Variants in ZCWPW1 observed in about 807,000 individuals in gnomAD.
ZCWPW1 encodes zinc finger CW-type and PWWP domain containing 1.
Under a neutral mutation model 81.3 loss-of-function variants are expected in ZCWPW1, and 56 were observed. The ratio of observed to expected loss-of-function variants is 0.69; its 90% CI spans 0.56 to 0.86. The LOEUF is 0.86. Among genes scored for constraint, ZCWPW1 ranks in the 40% least tolerant of loss-of-function variants. The pLI is 0.00. For missense variants in ZCWPW1, 650 were observed against 769.8 expected (o/e 0.84, Z 1.84); for synonymous variants, 250 against 273.7 (o/e 0.91, Z 0.86).
In ZCWPW1 at chr7:100,402,503, C is replaced by T; in HGVS notation, c.1474+13G>A. 6.2e-7 allele frequency: 1 copy of T among 1,614,030 alleles called. No homozygotes were observed. Among genetic ancestry groups the T allele is most frequent in the African/African-American group, 1.3e-5 (1 of 75,030 alleles). ...ACTGTGGGTTGTGCTCCATTTCCAG[C>T]TGGCCTGCTTACCTCTTGGCTTGGT... On this transcript the variant is annotated intron_variant, in intron 16 of 17. Transcript: ENST00000684423.
At chr7:100,408,420 GCT>G in intron 10 of ZCWPW1, 117 bp downstream of exon 10, 1 of 1,368,180 alleles carries the variant, frequency 7.3e-7, no homozygotes, top group Non-Finnish European at 1.0e-6. Context: ...CTCACCCCAT[GCT>G]CTTTCTAAGG....
chr7:100,423,457 T>A (rs958794708), intron 2 of ZCWPW1, among the ~76,000 whole-genome samples: 1 of 152,176 alleles, frequency 6.6e-6, no homozygotes, highest in African/African-American at 2.4e-5. Context: ...AGGGTTCCTC[T>A]CTCTAGACCA....
At chr7:100,404,852 C>T (rs908692932) in intron 13 of ZCWPW1, among the ~76,000 whole-genome samples, 161 bp downstream of exon 13, 1 of 152,160 alleles carries the variant, frequency 6.6e-6, no homozygotes, top group Non-Finnish European at 1.5e-5. Flanking sequence ...TAAAAACTGA[C>T]TCCACAGAAA....
intron 17 of ZCWPW1, 28 bp from the exon 18 acceptor site, chr7:100,401,364 G>A: frequency 6.6e-7 from 1 of 1,506,486 alleles, no homozygotes. Flanking sequence ...AAAGCCAAGA[G>A]TCCTATTAGG....
intron 1 of ZCWPW1, among the ~76,000 whole-genome samples, chr7:100,426,545 G>A (rs1479641999): frequency 2.7e-5 from 4 of 150,754 alleles, no homozygotes; most frequent in African/African-American, 4.9e-5. Context: ...GCCAGAGTCT[G>A]ATCTTCCTTT....
chr7:100,406,726 A>G lies in ZCWPW1; in HGVS notation c.1141T>C (p.Phe381Leu), dbSNP rs1263217502. Reference sequence around the variant, plus strand: ...GATAGCTCCAGGGACAGCTCCTGGAAGTTCTTTAGCATGTTGACTGGGATC... The same window carrying G: ...GATAGCTCCAGGGACAGCTCCTGGAGGTTCTTTAGCATGTTGACTGGGATC... ...AWIPVNMLKN[F>L]QELSLELSVM... is the part of the protein sequence containing the mutation. The change falls in exon 12 of 18, where the codon TTC (phenylalanine) becomes CTC (leucine). Residue 381 changes from phenylalanine to leucine, a missense_variant. Coordinates refer to ENST00000684423, the MANE Select transcript of ZCWPW1 (RefSeq NM_001386010.1). 6.2e-7 allele frequency: 1 copy of G among 1,614,204 alleles called. No homozygotes were observed. The highest frequency in any genetic ancestry group is 8.5e-7 in the Non-Finnish European group (1 of 1,180,030).
chr7:100,424,328 A>G (rs1348159278), intron 2 of ZCWPW1, among the ~76,000 whole-genome samples: 2 of 151,982 alleles, frequency 1.3e-5, no homozygotes, highest in African/African-American at 4.8e-5. Flanking sequence ...TCTGGAAGAG[A>G]AAAAAAATGG....
At chr7:100,419,582 T>G (rs1409974306) in intron 4 of ZCWPW1, 48 bp downstream of exon 4, 1 of 1,560,262 alleles carries the variant, frequency 6.4e-7, no homozygotes, top group Non-Finnish European at 8.6e-7. Context: ...GAGCCAGGGG[T>G]AAGGTATGAG....
At chr7:100,428,484 AC>A (rs1268575147) in intron 1 of ZCWPW1, 83 bp downstream of exon 1, 3 of 150,020 alleles carry the variant, frequency 2.0e-5, no homozygotes, top group East Asian at 1.9e-4. Flanking sequence ...ACATCTACTA[AC>A]TTTTCTGTTT....
Position 100,419,848 on chromosome 7 carries a change from G to A in ZCWPW1, c.64C>T (p.Pro22Ser). 1.3e-6 allele frequency: 2 copies of A among 1,588,418 alleles called. No individual in the cohort carries two copies. The highest frequency in any genetic ancestry group is 1.7e-6 in the Non-Finnish European group (2 of 1,171,496). The change falls in exon 4 of 18, where the codon CCT (proline) becomes TCT (serine). Residue 22 changes from proline (P) to serine (S), a missense_variant. Pro to Ser is a moderately conservative substitution (Grantham distance 74). Coordinates refer to ENST00000684423, the MANE Select transcript of ZCWPW1 (RefSeq NM_001386010.1). ...GKGPKRIFAP[P>S]AQKSYSLLPC... ...AACAGGCTGTAAGATTTTTGTGCAG[G>A]TGGGGCAAAGATTCTCTTTGGTCCC...
At chr7:100,424,899 C>T (rs1003718056) in intron 2 of ZCWPW1, 131 bp downstream of exon 2, 2 of 152,168 alleles carry the variant, frequency 1.3e-5, no homozygotes, top group African/African-American at 4.8e-5. Context: ...CCCCAACCAA[C>T]TAGATAGAAT....
At chr7:100,403,642 G>T in intron 15 of ZCWPW1, 52 bp downstream of exon 15, 1 of 1,513,078 alleles carries the variant, frequency 6.6e-7, no homozygotes. Context: ...TGGGCAACCT[G>T]GTGAAACTCC....
At chr7:100,403,319 G>A (rs1453104201) in intron 15 of ZCWPW1, among the ~76,000 whole-genome samples, 1 of 151,652 alleles carries the variant, frequency 6.6e-6, no homozygotes, top group Admixed American at 6.6e-5. Flanking sequence ...AGGTTCAAGC[G>A]ATTCTCCTGC....
intron 15 of ZCWPW1, 73 bp from the exon 16 acceptor site, chr7:100,402,649 T>A: frequency 6.8e-7 from 1 of 1,473,052 alleles, no homozygotes; most frequent in South Asian, 1.1e-5. Flanking sequence ...AGAAGGATGC[T>A]ACAGAATGAC....
rs1795161821 is a variant in ZCWPW1, at chr7:100,416,086, C to T, written c.643G>A (p.Val215Met). The change falls in exon 8 of 18, where the codon GTG (valine) becomes ATG (methionine). Residue 215 changes from valine (V) to methionine (M), a missense_variant. By Grantham distance (21) the Val-to-Met change is conservative. Transcript: ENST00000684423. ...KRKKEAQDEK[V>M]EKTQGGHEHR... Reference sequence around the variant, plus strand: ...TCATGTCCACCTTGAGTTTTCTCCACCTTCTCATCTTCTGGGAAGAAAAAA... The same window carrying T: ...TCATGTCCACCTTGAGTTTTCTCCATCTTCTCATCTTCTGGGAAGAAAAAA... The T allele has an allele frequency of 2.5e-6, 4 of 1,613,774 alleles. No homozygotes were observed. The highest frequency in any genetic ancestry group is 1.3e-5 in the African/African-American group (1 of 74,920).
chr7:100,419,969 G>A (rs968631002), intron 3 of ZCWPW1, 86 bp from the exon 4 acceptor site: 36 of 1,082,456 alleles, frequency 3.3e-5, no homozygotes, highest in Non-Finnish European at 4.5e-5. Context: ...AGCCATAACA[G>A]AATGATATGG....
rs1791800370 is a variant in ZCWPW1, at chr7:100,401,195, G to C, written c.1769C>G (p.Pro590Arg). 1.2e-5 allele frequency: 19 copies of C among 1,614,104 alleles called. No individual in the cohort carries two copies. Among genetic ancestry groups the C allele is most frequent in the Non-Finnish European group, 1.6e-5 (19 of 1,180,042 alleles). The change falls in exon 18 of 18, where the codon CCC (proline) becomes CGC (arginine). Residue 590 changes from proline (P) to arginine (R), a missense_variant. Coordinates refer to ENST00000684423, the MANE Select transcript of ZCWPW1 (RefSeq NM_001386010.1). ...CTGGGTCAGGGGTTCCCGGTGTCTG[G>C]GCTCTTCTTTCGCAGATGAGGGGCA... ...GACPSSAKEE[P>R]RHREPLTQEA...
At chr7:100,415,317 G>A (rs765650500) in intron 8 of ZCWPW1, among the ~76,000 whole-genome samples, 1 of 151,912 alleles carries the variant, frequency 6.6e-6, no homozygotes, top group Non-Finnish European at 1.5e-5. Flanking sequence ...TCCTGACCTT[G>A]TGATCCACCC....
Position 100,402,033 on chromosome 7 carries a change from C to G in ZCWPW1, c.1483G>C (p.Gly495Arg). 6.2e-7 allele frequency: 1 copy of G among 1,607,878 alleles called. No homozygotes were observed. Among genetic ancestry groups the G allele is most frequent in the Non-Finnish European group, 8.5e-7 (1 of 1,177,174 alleles). Residue 495 changes from glycine to arginine, a missense_variant, in exon 17 of 18, where the codon GGT becomes CGT. By Grantham distance (125) the Gly-to-Arg change is moderately radical. Transcript: ENST00000684423. ...CGGCCATCTGCTGTGCCTGCATCAC[C>G]CCCAAGCCCTAGCCGTGAGGGAAAT... ...TQKTKPRGLG[G>R]DAGTADGRGR...
Sources: allele counts gnomAD v4.1 joint callset (sites outside exome capture counted in the v4.1 genomes callset), GRCh38; gene constraint gnomAD v4.1.1; transcripts MANE v1.5; gene names NCBI Gene and HGNC (gene_info 2026-07-23, HGNC 2026-07-21).